Variants in NUF2 observed in about 807,000 individuals in gnomAD.
NUF2 encodes the protein kinetochore protein Nuf2.
In NUF2, 34 loss-of-function variants were observed where a neutral mutation model predicts 61.8. The observed-to-expected ratio is 0.55, with a 90% CI of 0.42 to 0.73. NUF2 has a LOEUF of 0.73. NUF2 is among the 30% of genes least tolerant of loss of function. NUF2 has a pLI of 0.00. For synonymous variants in NUF2, 172 were observed against 181.6 expected, an observed-to-expected ratio of 0.95 and a Z score of 0.42; for missense variants, 445 against 539.1, an observed-to-expected ratio of 0.83 and a Z score of 1.73.
chr1:163,349,320 G>A (rs1651234272), intron 13 of NUF2, among the ~76,000 whole-genome samples: 1 of 151,968 alleles, frequency 6.6e-6, no homozygotes, highest in Non-Finnish European at 1.5e-5. Context: ...CTAGTACAGT[G>A]CTAAACATAA....
In NUF2 at chr1:163,328,816, T is replaced by A. The variant is rs761746348; in HGVS notation, c.276-30T>A. On this transcript the variant is annotated intron_variant, in intron 4 of 13. Transcript: ENST00000271452. Reference sequence around the variant, plus strand: ...TAGCATTTAATGTGCAAAATACTTTTCAATAGTCTTTTTGTACTTCATCTT... The same window carrying A: ...TAGCATTTAATGTGCAAAATACTTTACAATAGTCTTTTTGTACTTCATCTT... 3.5e-6 allele frequency: 5 copies of A among 1,442,724 alleles called. No individual in the cohort carries two copies. The African/African-American group carries it at 7.0e-5, about 20-fold the overall frequency. The allele number at this position is 1,442,724 out of a possible 1,614,324, so 89.4% of individuals were successfully genotyped here. A position where few individuals can be genotyped will look rare whatever the true frequency, so the allele number is the denominator to read the frequency against.
Position 163,326,119 on chromosome 1 carries a change from T to C in NUF2, c.68T>C (p.Leu23Ser). 1 of 1,613,096 alleles carries C rather than the reference T, an allele frequency of 6.2e-7. No individual in the cohort carries two copies. The highest frequency in any genetic ancestry group is 2.2e-5 in the East Asian group (1 of 44,768). The change falls in exon 2 of 14, where the codon TTA (leucine) becomes TCA (serine). Residue 23 changes from leucine to serine, a missense_variant. By Grantham distance (145) the Leu-to-Ser change is moderately radical (BLOSUM62 -2). Coordinates refer to ENST00000271452, the MANE Select transcript of NUF2 (RefSeq NM_145697.3). ...GTGATTCATATTCGCAATAAGATCT[T>C]AACAGGAGCTGATGGTAAAAACCTC... ...EIVIHIRNKI[L>S]TGADGKNLTK... is the part of the protein sequence containing the mutation.
chr1:163,338,478 A>T (rs1250182902), intron 7 of NUF2, among the ~76,000 whole-genome samples: 1 of 151,902 alleles, frequency 6.6e-6, no homozygotes, highest in African/African-American at 2.4e-5. Flanking sequence ...GTTTTCATTT[A>T]TTTGTTTTGT....
chr1:163,337,231 T>C (rs1046515094), intron 6 of NUF2, among the ~76,000 whole-genome samples: 3 of 152,132 alleles, frequency 2.0e-5, no homozygotes, highest in Admixed American at 6.5e-5. Flanking sequence ...GCCTTTTAAA[T>C]AATGGCATAA....
chr1:163,322,742 T>C (rs1650275276), intron 1 of NUF2: 1 of 152,250 alleles, frequency 6.6e-6, no homozygotes, highest in Non-Finnish European at 1.5e-5. Flanking sequence ...CTCACTCTGC[T>C]CAGCATCGTG....
rs577790567 is a variant in NUF2 at position 163,337,684 on chromosome 1, A to G, written c.436-336A>G. 3.3e-5 allele frequency among the ~76,000 whole-genome samples: 5 copies of G among 152,182 alleles called. No homozygotes were observed. The East Asian group carries it at 9.7e-4, about 29-fold the overall frequency. The stretch of plus-strand genomic sequence containing the variant: ...TCCCAGCCATTACCCAAGTTGGGTT[A>G]GATGTCACTCTTGTTGGTTCCCATT... On this transcript the variant is annotated intron_variant, in intron 6 of 13. Coordinates refer to ENST00000271452, the MANE Select transcript of NUF2 (RefSeq NM_145697.3).
At chr1:163,335,228 A>G (rs1257857267) in intron 5 of NUF2, among the ~76,000 whole-genome samples, 1 of 152,180 alleles carries the variant, frequency 6.6e-6, no homozygotes, top group Non-Finnish European at 1.5e-5. Flanking sequence ...CTAGGATTAC[A>G]GGTGTGAGCC....
chr1:163,323,521 C>A (rs1237353346), intron 1 of NUF2, among the ~76,000 whole-genome samples: 1 of 152,068 alleles, frequency 6.6e-6, no homozygotes, highest in Non-Finnish European at 1.5e-5. Flanking sequence ...AAGTTCAAGA[C>A]CAGACTGGGC....
At chr1:163,327,635 C>A in intron 3 of NUF2, 73 bp downstream of exon 3, 1 of 896,956 alleles carries the variant, frequency 1.1e-6, no homozygotes, top group Non-Finnish European at 1.9e-6. Flanking sequence ...TGCAGTTCTG[C>A]TTACAATGCA....
rs1210609230 is a variant in NUF2, at chr1:163,344,956, TA to T, written c.808-716del. On this transcript the variant is annotated intron_variant, in intron 10 of 13. Transcript: ENST00000271452. ...TTTTGTATGTATTGAAAATTTACCT[TA>T]AAAAATTTAAGTTTTACAGATTTTA... is the stretch of plus-strand genomic sequence containing the variant. Among the ~76,000 whole-genome samples, 13 of 152,272 alleles carry T rather than the reference TA, an allele frequency of 8.5e-5. No individual in the cohort carries two copies. The South Asian group carries it at 2.1e-3, about 24-fold the overall frequency.
chr1:163,322,652 C>A lies in NUF2; in HGVS notation c.-21+440C>A, dbSNP rs140781850. 3.4e-3 allele frequency among the ~76,000 whole-genome samples: 525 copies of A among 152,258 alleles called. 1 individual carries two copies. Among genetic ancestry groups the A allele is most frequent in the African/African-American group, 0.01 (419 of 41,546 alleles). ...GTTTATTTTTGTTTAATCTCTGCCT[C>A]GTGGAACTGTGATGTCCACAAATAG... On this transcript the variant is annotated intron_variant, in intron 1 of 13. Coordinates refer to ENST00000271452, the MANE Select transcript of NUF2 (RefSeq NM_145697.3).
Position 163,322,019 on chromosome 1 carries a change from A to G in NUF2, c.-214A>G, listed in dbSNP as rs561663055. On this transcript the variant is annotated 5_prime_UTR_variant, in exon 1 of 14. Coordinates refer to ENST00000271452, the MANE Select transcript of NUF2 (RefSeq NM_145697.3). ...TTTGCTGATTTTTGACTTTGCTTGTAGCTGCTCCCCGAACTCGCCGTCTTC... is the reference window on the plus strand; with the variant it reads ...TTTGCTGATTTTTGACTTTGCTTGTGGCTGCTCCCCGAACTCGCCGTCTTC... 1.3e-5 allele frequency: 2 copies of G among 152,386 alleles called. No homozygotes were observed. Among genetic ancestry groups the G allele is most frequent in the African/African-American group, 4.8e-5 (2 of 41,562 alleles). 9.4% of individuals were successfully genotyped at this position (152,386 alleles called of 1,614,324 possible). A position where few individuals can be genotyped will look rare whatever the true frequency, so the allele number is the denominator to read the frequency against.
chr1:163,345,832 G>T lies in NUF2; in HGVS notation c.948+14G>T. On this transcript the variant is annotated intron_variant, in intron 11 of 13. Transcript: ENST00000271452. ...ATCTTAAAGGAGGTTTGTATTGTATGGAATTTTGATGTCTTTATTATATAA... is the reference window on the plus strand; with the variant it reads ...ATCTTAAAGGAGGTTTGTATTGTATTGAATTTTGATGTCTTTATTATATAA... 1 of 1,559,584 alleles carries T rather than the reference G, an allele frequency of 6.4e-7. No individual in the cohort carries two copies. The highest frequency in any genetic ancestry group is 2.2e-5 in the East Asian group (1 of 44,498).
intron 1 of NUF2, among the ~76,000 whole-genome samples, chr1:163,325,592 C>A (rs1295196775): frequency 6.6e-6 from 1 of 152,098 alleles, no homozygotes; most frequent in East Asian, 1.9e-4. Context: ...GATGTCAAAA[C>A]TGAATACAAT....
At chr1:163,333,368 C>T (rs1484011666) in intron 5 of NUF2, among the ~76,000 whole-genome samples, 5 of 152,032 alleles carry the variant, frequency 3.3e-5, no homozygotes, top group African/African-American at 7.2e-5. Flanking sequence ...ATCACTATCT[C>T]GGTCTTTTAA....
At chr1:163,353,347 G>A (rs1294018013) in intron 13 of NUF2, among the ~76,000 whole-genome samples, 1 of 152,176 alleles carries the variant, frequency 6.6e-6, no homozygotes, top group Non-Finnish European at 1.5e-5. Flanking sequence ...TTTCTGATTT[G>A]AAAAGTGAGA....
intron 1 of NUF2, among the ~76,000 whole-genome samples, 184 bp from the exon 2 acceptor site, chr1:163,325,848 A>G (rs1023589176): frequency 7.2e-5 from 11 of 152,226 alleles, no homozygotes; most frequent in African/African-American, 2.7e-4. Flanking sequence ...GTGTCACCTT[A>G]GAATAAAAGT....
intron 5 of NUF2, among the ~76,000 whole-genome samples, chr1:163,331,799 A>G (rs1347258326): frequency 6.6e-6 from 1 of 151,972 alleles, no homozygotes; most frequent in African/African-American, 2.4e-5. Context: ...ATATTCCCAT[A>G]TTATTTTAAT....
chr1:163,346,068 A>C (rs72697413), intron 11 of NUF2: 27,019 of 254,544 alleles, frequency 0.11, 1,914 homozygotes, highest in South Asian at 0.19. Flanking sequence ...TATATTTTGG[A>C]AAATAGTACA....
Sources: allele counts gnomAD v4.1 joint callset (sites outside exome capture counted in the v4.1 genomes callset), GRCh38; gene constraint gnomAD v4.1.1; transcripts MANE v1.5; gene names NCBI Gene and HGNC (gene_info 2026-07-23, HGNC 2026-07-21).